The following RFX7 variants were observed in gnomAD, a reference collection of about 807,000 sequenced individuals.
RFX7 encodes DNA-binding protein RFX7.
A neutral mutation model predicts 111.8 loss-of-function variants in RFX7; 26 were observed. The observed-to-expected ratio is 0.23, with a 90% confidence interval of 0.17 to 0.32. RFX7 has a LOEUF of 0.32. Ranked by LOEUF, RFX7 falls within the 10% of genes least tolerant of loss-of-function variation. RFX7 has a pLI of 1.00. For synonymous variants in RFX7, 624 were observed against 624.4 expected (o/e 1.00, Z 0.01); for missense variants, 1,573 against 1,772.9 (o/e 0.89, Z 2.02).
chr15:56,131,196 A>G lies in RFX7; in HGVS notation c.401+11582T>C, dbSNP rs138072191. On this transcript the variant is annotated intron_variant, in intron 5 of 9. Coordinates refer to ENST00000559447, the MANE Select transcript of RFX7 (RefSeq NM_022841.7). ...ATAATACACTTGAAAACAGAACTCA[A>G]TGGTACACTACAAGATAACACGTCT... 2.1e-3 allele frequency among the ~76,000 whole-genome samples: 313 copies of G among 152,122 alleles called. 1 individual carries two copies. The highest frequency in any genetic ancestry group is 0.015 in the East Asian group (79 of 5,186).
intron 3 of RFX7, among the ~76,000 whole-genome samples, chr15:56,145,002 G>C (rs2042449565): frequency 6.6e-6 from 1 of 152,104 alleles, no homozygotes; most frequent in African/African-American, 2.4e-5. Context: ...ATGGAACTGA[G>C]GTTAAAAACA....
chr15:56,137,525 C>T lies in RFX7; in HGVS notation c.401+5253G>A, dbSNP rs117641072. 4.3e-4 allele frequency among the ~76,000 whole-genome samples: 65 copies of T among 152,180 alleles called. 1 individual carries two copies. In the East Asian group the frequency reaches 8.1e-3, roughly 19 times the overall value. The stretch of plus-strand genomic sequence containing the variant: ...CTCTCTTTTTTTCTTATTAGTCTTG[C>T]TAGCGGTCTATCAATCCTGTTGATC... On this transcript the variant is annotated intron_variant, in intron 5 of 9. Coordinates refer to ENST00000559447, the MANE Select transcript of RFX7 (RefSeq NM_022841.7).
At chr15:56,227,354 T>C (rs533915052) in intron 2 of RFX7, among the ~76,000 whole-genome samples, 6 of 152,340 alleles carry the variant, frequency 3.9e-5, no homozygotes, top group East Asian at 1.9e-4. Flanking sequence ...ACATCCACAC[T>C]TGAAATGATT....
At chr15:56,147,143 C>A (rs1195838934) in intron 3 of RFX7, among the ~76,000 whole-genome samples, 4 of 151,508 alleles carry the variant, frequency 2.6e-5, no homozygotes, top group African/African-American at 9.7e-5. Flanking sequence ...CGTTGGTGGT[C>A]AAAAAAAATT....
At chr15:56,112,474 C>G (rs1158481781) in intron 5 of RFX7, among the ~76,000 whole-genome samples, 1 of 151,064 alleles carries the variant, frequency 6.6e-6, no homozygotes, top group Non-Finnish European at 1.5e-5. Flanking sequence ...GAAACTGGAC[C>G]CCTTTCTTAC....
chr15:56,227,776 G>A (rs933823814), intron 2 of RFX7, among the ~76,000 whole-genome samples: 2 of 152,048 alleles, frequency 1.3e-5, no homozygotes, highest in East Asian at 3.9e-4. Context: ...AAAATAAAAG[G>A]TGTTATTTTA....
chr15:56,204,196 T>C (rs1000970571), intron 2 of RFX7, among the ~76,000 whole-genome samples: 7 of 152,066 alleles, frequency 4.6e-5, no homozygotes, highest in African/African-American at 1.7e-4. Flanking sequence ...ATTTTGTATT[T>C]TTAATAGAGA....
intron 2 of RFX7, among the ~76,000 whole-genome samples, chr15:56,216,528 C>T (rs2043364359): frequency 6.6e-6 from 1 of 151,788 alleles, no homozygotes; most frequent in South Asian, 2.1e-4. Flanking sequence ...CACTTCTGAC[C>T]CCGGAACATT....
intron 5 of RFX7, among the ~76,000 whole-genome samples, chr15:56,136,055 C>A (rs2042297487): frequency 6.6e-6 from 1 of 152,132 alleles, no homozygotes; most frequent in African/African-American, 2.4e-5. Flanking sequence ...AGTGTGATGC[C>A]TCCAGCTTTG....
chr15:56,193,157 A>G (rs771358637), intron 2 of RFX7: 30 of 223,456 alleles, frequency 1.3e-4, no homozygotes, highest in Non-Finnish European at 2.0e-4. Context: ...CACTGCAGCA[A>G]CCTGTGTGAT....
At position 56,094,706 on chromosome 15, in the gene RFX7, T is replaced by G. The variant is rs746940540; in HGVS notation, c.3022A>C (p.Asn1008His). ...CTGGGGGGGACACTACTGCTGCAGT[T>G]AGAATGTGGAGTACCAATGGGTGTA... The part of the protein sequence containing the change: ...RHTPIGTPHS[N>H]CSSSVPPSPV... Residue 1008 changes from asparagine (N) to histidine (H), a missense_variant, in exon 10 of 10, where the codon AAC (asparagine) becomes CAC (histidine). Around this residue, in one of 7 missense-constraint regions of RFX7, gnomAD observed 625 missense variants for 632.2 expected, o/e 0.99. Transcript: ENST00000559447. The G allele has an allele frequency of 6.8e-6, 11 of 1,613,848 alleles. No individual in the cohort carries two copies. Among genetic ancestry groups the G allele is most frequent in the Non-Finnish European group, 8.5e-6 (10 of 1,179,862 alleles).
At chr15:56,103,005 A>C (rs2041777896) in intron 6 of RFX7, among the ~76,000 whole-genome samples, 1 of 152,180 alleles carries the variant, frequency 6.6e-6, no homozygotes, top group African/African-American at 2.4e-5. Flanking sequence ...TTTGCTCCTA[A>C]GTATTTCTCC....
At chr15:56,223,613 C>T (rs1341130125) in intron 2 of RFX7, among the ~76,000 whole-genome samples, 1 of 152,078 alleles carries the variant, frequency 6.6e-6, no homozygotes, top group African/African-American at 2.4e-5. Context: ...TTTTTATATA[C>T]TTTTAAAGTT....
chr15:56,227,726 T>C (rs1438025502), intron 2 of RFX7, among the ~76,000 whole-genome samples: 7 of 152,204 alleles, frequency 4.6e-5, no homozygotes, highest in Non-Finnish European at 4.4e-5. Flanking sequence ...ACAGTGTTAT[T>C]ATTTTGAACT....
At position 56,215,563 on chromosome 15, in the gene RFX7, C is replaced by A. The variant is rs909298268; in HGVS notation, c.161+27562G>T. ...ACTCAAGCTGGCTAGGATGTTATTA[C>A]CATTTTTATACACTTGTGGCTTCAA... On this transcript the variant is annotated intron_variant, in intron 2 of 9. Transcript: ENST00000559447. 5.9e-5 allele frequency among the ~76,000 whole-genome samples: 9 copies of A among 152,204 alleles called. No individual in the cohort carries two copies. In the East Asian group the frequency reaches 1.4e-3, roughly 23 times the overall value.
At chr15:56,209,306 A>G (rs184053006) in intron 2 of RFX7, among the ~76,000 whole-genome samples, 1 of 151,928 alleles carries the variant, frequency 6.6e-6, no homozygotes, top group African/African-American at 2.4e-5. Flanking sequence ...AAAAAACCCA[A>G]CCTAGAATAC....
intron 5 of RFX7, among the ~76,000 whole-genome samples, chr15:56,119,639 T>C (rs1157366762): frequency 6.6e-6 from 1 of 151,768 alleles, no homozygotes; most frequent in Non-Finnish European, 1.5e-5. Flanking sequence ...AAATTAGGCA[T>C]GGTGGTGCGT....
chr15:56,183,454 T>C (rs1324608793), intron 2 of RFX7, among the ~76,000 whole-genome samples: 5 of 152,186 alleles, frequency 3.3e-5, no homozygotes, highest in African/African-American at 7.2e-5. Flanking sequence ...GTATATGGTA[T>C]AGTGTAATAT....
chr15:56,118,259 T>C (rs745477446), intron 5 of RFX7, among the ~76,000 whole-genome samples: 1 of 152,142 alleles, frequency 6.6e-6, no homozygotes, highest in Non-Finnish European at 1.5e-5. Context: ...ATCACCCTGT[T>C]GTGCTGTCAA....
Sources: allele counts gnomAD v4.1 joint callset (sites outside exome capture counted in the v4.1 genomes callset), GRCh38; gene constraint gnomAD v4.1.1; regional missense constraint gnomAD v4.1.1; transcripts MANE v1.5; gene names NCBI Gene and HGNC (gene_info 2026-07-23, HGNC 2026-07-21).